TSBP1: variants seen among roughly 807,000 people sequenced by gnomAD.
The protein encoded by TSBP1 is testis-expressed basic protein 1.
A neutral mutation model predicts 68.8 loss-of-function variants in TSBP1; 56 were observed. That is an observed-to-expected ratio of 0.81 (90% CI 0.66 to 1.02). The LOEUF is 1.02. Among genes scored for constraint, TSBP1 ranks in the 50% least tolerant of loss-of-function variants. The probability of loss-of-function intolerance (pLI) is 0.00; values close to 1 mark genes in which losing one functional copy is unlikely to be tolerated. For missense variants in TSBP1, 502 were observed against 641.2 expected, an observed-to-expected ratio of 0.78 and a Z score of 2.34; for synonymous variants, 171 against 208.7, an observed-to-expected ratio of 0.82 and a Z score of 1.56.
In TSBP1 at chr6:32,315,498, G is replaced by A. The variant is rs115543900; in HGVS notation, c.580+274C>T. On this transcript the variant is annotated intron_variant, in intron 19 of 22. Coordinates refer to ENST00000612031, the Ensembl canonical transcript of TSBP1. This position sits in a 1 kb window ranked among gnomAD's most constrained non-coding sequence, Gnocchi z 5.4. ...AATTGCTTGGACTCGGCAGGTGGAG[G>A]TTGCAGTGAGCCTAGATCACGCCAC... Among the ~76,000 whole-genome samples, 2,936 of 152,204 alleles carry A rather than the reference G, an allele frequency of 0.019. 53 individuals are homozygous for A. Among genetic ancestry groups the A allele is most frequent in the Non-Finnish European group, 0.026 (1,755 of 67,994 alleles).
chr6:32,307,303 A>C (rs563697961), intron 19 of TSBP1, among the ~76,000 whole-genome samples: 1 of 152,038 alleles, frequency 6.6e-6, no homozygotes, highest in Non-Finnish European at 1.5e-5. Context: ...TTTCTCTCAC[A>C]ATTTTGTTTG....
exon 17 of TSBP1, chr6:32,323,609 G>T: frequency 6.2e-7 from 1 of 1,612,310 alleles, no homozygotes; most frequent in Non-Finnish European, 8.5e-7. Flanking sequence ...GCTGAAGGTG[G>T]ACCAGCTGAA....
In TSBP1 at chr6:32,343,109, G is replaced by A. The variant is rs1473854310; in HGVS notation, c.350-3471C>T. On this transcript the variant is annotated intron_variant, in intron 9 of 22. Transcript: ENST00000612031. This position sits in a 1 kb window ranked among gnomAD's most constrained non-coding sequence, Gnocchi z 4.3. ...GATGGCTAATGAAGGACAAGGTGGA[G>A]AATTATGAGTCTTAAGCCCTTTCAC... 6.5e-6 allele frequency: 3 copies of A among 458,734 alleles called. No homozygotes were observed. The highest frequency in any genetic ancestry group is 1.1e-5 in the Non-Finnish European group (3 of 264,424). 28.4% of individuals were successfully genotyped at this position (458,734 alleles called of 1,614,324 possible).
rs1161645496 is a variant in TSBP1, at chr6:32,351,784, AT to A, written c.260-1956del. ...CCATTGTGGGTGTGAGATTCACTTC[AT>A]TTATCCTGCTCAGGATAACCTCACA... On this transcript the variant is annotated intron_variant, in intron 8 of 22. Coordinates refer to ENST00000612031, the Ensembl canonical transcript of TSBP1. 2.6e-5 allele frequency among the ~76,000 whole-genome samples: 4 copies of A among 152,218 alleles called. No homozygotes were observed. In the South Asian group the frequency reaches 8.3e-4, roughly 32 times the overall value.
intron 7 of TSBP1, 72 bp from the exon 8 acceptor site, chr6:32,355,216 C>T: frequency 2.1e-6 from 3 of 1,456,496 alleles, no homozygotes; most frequent in Non-Finnish European, 2.9e-6. Flanking sequence ...ATATCAGCTT[C>T]AGTTGCTGTC....
chr6:32,313,528 A>G (rs1766628689), intron 19 of TSBP1, among the ~76,000 whole-genome samples: 1 of 151,884 alleles, frequency 6.6e-6, no homozygotes, highest in African/African-American at 2.4e-5. Context: ...TGCTCTAGTT[A>G]TATTTCTCTG....
Position 32,335,694 on chromosome 6 carries a change from AG to A in TSBP1, c.451+217del, listed in dbSNP as rs1295270291. Among the ~76,000 whole-genome samples, 4 of 152,196 alleles carry A rather than the reference AG, an allele frequency of 2.6e-5. No homozygotes were observed. Among genetic ancestry groups the A allele is most frequent in the Admixed American group, 1.3e-4 (2 of 15,276 alleles). On this transcript the variant is annotated intron_variant, in intron 13 of 22. Transcript: ENST00000612031. This position sits in a 1 kb window ranked among gnomAD's most constrained non-coding sequence, Gnocchi z 5.5. ...GCTGAGAAGCCATTGGAAATCTGCA[AG>A]GGTTCATTCTCCACTTTGTAGTTTG...
chr6:32,369,590 T>G (rs9268387), intron 2 of TSBP1, among the ~76,000 whole-genome samples: 51,205 of 152,070 alleles, frequency 0.34, 9,689 homozygotes, highest in Middle Eastern at 0.52. Context: ...AGGCTGGTCT[T>G]GAACTCCTGA....
chr6:32,353,279 A>G (rs1355994820), intron 8 of TSBP1, among the ~76,000 whole-genome samples: 2 of 152,008 alleles, frequency 1.3e-5, no homozygotes, highest in Non-Finnish European at 2.9e-5. Context: ...CAAATATACA[A>G]CATATAACTT....
At chr6:32,327,798 G>GTTT (rs377295118) in intron 16 of TSBP1, among the ~76,000 whole-genome samples, 1 of 142,510 alleles carries the variant, frequency 7.0e-6, no homozygotes, top group Non-Finnish European at 1.5e-5. Context: ...ATTTTTGTAG[G>GTTT]TTTTTTTTTT....
In TSBP1 at chr6:32,318,933, C is replaced by T. The variant is rs544846347; in HGVS notation, c.560-3141G>A. Among the ~76,000 whole-genome samples, 13 of 152,208 alleles carry T rather than the reference C, an allele frequency of 8.5e-5. No individual in the cohort carries two copies. The South Asian group carries it at 2.5e-3, about 29-fold the overall frequency. On this transcript the variant is annotated intron_variant, in intron 18 of 22. Transcript: ENST00000612031. The stretch of plus-strand genomic sequence containing the variant: ...ATATGTGAATATCATCTCAATAAAG[C>T]TGTTATTTACAAAGATAAAAAAGAT...
In TSBP1 at chr6:32,336,587, A is replaced by G; in HGVS notation, c.430+28T>C. 1 of 1,599,690 alleles carries G rather than the reference A, an allele frequency of 6.3e-7. No individual in the cohort carries two copies. Among genetic ancestry groups the G allele is most frequent in the Non-Finnish European group, 8.6e-7 (1 of 1,167,880 alleles). ...TTGTAGGTCAGATATCAAAGGGACCAGAGTGGAAAAACAAACTTGATACTT... is the reference window on the plus strand; with the variant it reads ...TTGTAGGTCAGATATCAAAGGGACCGGAGTGGAAAAACAAACTTGATACTT... On this transcript the variant is annotated intron_variant, in intron 12 of 22. Coordinates refer to ENST00000612031, the Ensembl canonical transcript of TSBP1. This position sits in a 1 kb window ranked among gnomAD's most constrained non-coding sequence, Gnocchi z 5.2.
intron 19 of TSBP1, among the ~76,000 whole-genome samples, chr6:32,305,389 G>A (rs1237517056): frequency 6.6e-6 from 1 of 152,162 alleles, no homozygotes; most frequent in Non-Finnish European, 1.5e-5. Flanking sequence ...CAGATTAGAA[G>A]AAGTTAATGA....
chr6:32,308,367 G>A (rs59435552), intron 19 of TSBP1, among the ~76,000 whole-genome samples: 20 of 151,154 alleles, frequency 1.3e-4, no homozygotes, highest in African/African-American at 2.4e-4. Flanking sequence ...GGGAGGCCGA[G>A]GCGGGCGGAT....
chr6:32,368,916 A>C lies in TSBP1; in HGVS notation c.101-102T>G, dbSNP rs183137162. The stretch of plus-strand genomic sequence containing the variant: ...TCTAAGCTATGCTTCTTGCTTACCA[A>C]GGTGGTCCTCCTGATATAATGCATT... On this transcript the variant is annotated intron_variant, in intron 2 of 22. Coordinates refer to ENST00000612031, the Ensembl canonical transcript of TSBP1. 5.2e-3 allele frequency: 7,153 copies of C among 1,374,746 alleles called. 36 individuals carry two copies. Among genetic ancestry groups the C allele is most frequent in the South Asian group, 7.4e-3 (508 of 68,664 alleles). The allele number at this position is 1,374,746 out of a possible 1,614,324, so 85.2% of individuals were successfully genotyped here.
chr6:32,295,926 C>A (rs1764670782), intron 22 of TSBP1, among the ~76,000 whole-genome samples: 1 of 150,458 alleles, frequency 6.6e-6, no homozygotes, highest in Non-Finnish European at 1.5e-5. Flanking sequence ...CTCACCGCAA[C>A]CTTTGCCTCC....
At position 32,322,519 on chromosome 6, in the gene TSBP1, C is replaced by T. The variant is rs762009410; in HGVS notation, c.559+598G>A. ...CTCTGTGAAATTACTGAAAAATAAG[C>T]AAACAGAAATCCATTTAATTTTTCT... is the stretch of plus-strand genomic sequence containing the variant. On this transcript the variant is annotated intron_variant, in intron 18 of 22. Transcript: ENST00000612031. 10 of 1,583,806 alleles carry T rather than the reference C, an allele frequency of 6.3e-6. No individual in the cohort carries two copies. The highest frequency in any genetic ancestry group is 8.7e-6 in the Non-Finnish European group (10 of 1,152,930).
intron 16 of TSBP1, among the ~76,000 whole-genome samples, chr6:32,327,797 G>GA (rs1768411708): frequency 8.2e-6 from 1 of 121,964 alleles, no homozygotes; most frequent in Non-Finnish European, 1.9e-5. Flanking sequence ...CATTTTTGTA[G>GA]GTTTTTTTTT....
rs1769691270 is a variant in TSBP1, at chr6:32,336,537, G to C, written c.430+78C>G. 1 of 1,165,634 alleles carries C rather than the reference G, an allele frequency of 8.6e-7. No homozygotes were observed. The highest frequency in any genetic ancestry group is 1.3e-5 in the South Asian group (1 of 77,630). The allele number at this position is 1,165,634 out of a possible 1,614,324, so 72.2% of individuals were successfully genotyped here. Reference sequence around the variant, plus strand: ...AAAAGTTGAAATTATTTTTAAAAATGCAGGGCAGATCAGGCCCCAAGACCT... The same window carrying C: ...AAAAGTTGAAATTATTTTTAAAAATCCAGGGCAGATCAGGCCCCAAGACCT... On this transcript the variant is annotated intron_variant, in intron 12 of 22. Transcript: ENST00000612031. The surrounding 1 kb of genome is among the most constrained non-coding windows in gnomAD (Gnocchi z 5.2).
Sources: allele counts gnomAD v4.1 joint callset (sites outside exome capture counted in the v4.1 genomes callset), GRCh38; gene constraint gnomAD v4.1.1; non-coding constraint Gnocchi (gnomAD v3.1); transcripts MANE v1.5; gene names NCBI Gene and HGNC (gene_info 2026-07-23, HGNC 2026-07-21).